ARL1: variants seen among roughly 807,000 people sequenced by gnomAD.
ARL1 encodes the protein ARF like GTPase 1.
A neutral mutation model predicts 30.1 loss-of-function variants in ARL1; 17 were observed. The observed-to-expected ratio is 0.56, with a 90% confidence interval of 0.39 to 0.85. The LOEUF is 0.85. ARL1 is among the 40% of genes least tolerant of loss of function. The pLI is 0.00. For missense variants in ARL1, 102 were observed against 212.6 expected, an observed-to-expected ratio of 0.48 and a Z score of 3.24; for synonymous variants, 58 against 71.7, an observed-to-expected ratio of 0.81 and a Z score of 0.97.
At position 101,407,751 on chromosome 12, in the gene ARL1, T is replaced by C; in HGVS notation, c.-106A>G. The C allele has an allele frequency of 1.3e-6, 2 of 1,536,566 alleles. No individual in the cohort carries two copies. The highest frequency in any genetic ancestry group is 2.2e-5 in the South Asian group (2 of 89,540). ...GCCCAGTCAGCCAGCAACTTCCACG[T>C]CGGACTCCAGGCGGGGGCGGGAGCG... On this transcript the variant is annotated 5_prime_UTR_variant, in exon 1 of 6. Transcript: ENST00000261636.
At chr12:101,396,238 C>G in intron 5 of ARL1, 161 bp downstream of exon 5, 1 of 856,560 alleles carries the variant, frequency 1.2e-6, no homozygotes, top group Non-Finnish European at 1.9e-6. Flanking sequence ...AAGACAGATG[C>G]ACCTGAAGAC....
Position 101,394,670 on chromosome 12 carries a change from T to C in ARL1, c.*970A>G, listed in dbSNP as rs1358694372. On this transcript the variant is annotated 3_prime_UTR_variant, in exon 6 of 6. Coordinates refer to ENST00000261636, the MANE Select transcript of ARL1 (RefSeq NM_001177.6). ...GTGAAATTTTCTCTTTAATGTGTTATGAATTCTATCAAATATAACCATTTA... is the reference window on the plus strand; with the variant it reads ...GTGAAATTTTCTCTTTAATGTGTTACGAATTCTATCAAATATAACCATTTA... 1 of 152,234 alleles carries C rather than the reference T, an allele frequency of 6.6e-6. No individual in the cohort carries two copies. The highest frequency in any genetic ancestry group is 2.4e-5 in the African/African-American group (1 of 41,478). The allele number at this position is 152,234 out of a possible 1,614,324, so 9.4% of individuals were successfully genotyped here.
chr12:101,401,008 T>C, intron 4 of ARL1, 54 bp downstream of exon 4: 1 of 1,147,010 alleles, frequency 8.7e-7, no homozygotes, highest in Non-Finnish European at 1.3e-6. Flanking sequence ...TATTCTTCAA[T>C]GTAATAATAT....
rs1249940836 is a variant in ARL1, at chr12:101,407,768, G to A, written c.-123C>T. 4.3e-5 allele frequency: 62 copies of A among 1,448,294 alleles called. No homozygotes were observed. The highest frequency in any genetic ancestry group is 2.7e-4 in the South Asian group (24 of 87,426). The allele number at this position is 1,448,294 out of a possible 1,614,324, so 89.7% of individuals were successfully genotyped here. ...CTTCCACGTCGGACTCCAGGCGGGG[G>A]CGGGAGCGAGGGTCAGCTGCGACTG... On this transcript the variant is annotated 5_prime_UTR_variant, in exon 1 of 6. Transcript: ENST00000261636.
chr12:101,407,805 C>A, upstream of ARL1: 1 of 1,029,384 alleles, frequency 9.7e-7, no homozygotes, highest in Non-Finnish European at 1.5e-6. Flanking sequence ...GCGCCGGGAA[C>A]GGTGGCCTGA....
At chr12:101,403,308 AAAAG>A in intron 2 of ARL1, 1 of 406,262 alleles carries the variant, frequency 2.5e-6, no homozygotes, top group Non-Finnish European at 4.7e-6. Context: ...AAGAATTTAA[AAAAG>A]AAATAAAAAG....
rs900824755 is a variant in ARL1 at position 101,394,768 on chromosome 12, GTAAC to G, written c.*868_*871del. 12 of 152,096 alleles carry G rather than the reference GTAAC, an allele frequency of 7.9e-5. No homozygotes were observed. The highest frequency in any genetic ancestry group is 2.4e-4 in the African/African-American group (10 of 41,410). The allele number at this position is 152,096 out of a possible 1,614,324, so 9.4% of individuals were successfully genotyped here. On this transcript the variant is annotated 3_prime_UTR_variant, in exon 6 of 6. Transcript: ENST00000261636. ...TAAATTTATAAACATTATTTTGAAT[GTAAC>G]TAATTAGCATAATTTTATTTAAGAG...
intron 2 of ARL1, 30 bp from the exon 3 acceptor site, chr12:101,402,976 G>A: frequency 6.7e-7 from 1 of 1,486,016 alleles, no homozygotes; most frequent in Non-Finnish European, 9.4e-7. Context: ...AGTGGTATGT[G>A]TAGACTAATA....
Position 101,407,753 on chromosome 12 carries a change from G to A in ARL1, c.-108C>T, listed in dbSNP as rs1367129955. The A allele has an allele frequency of 9.2e-6, 14 of 1,525,874 alleles. No individual in the cohort carries two copies. Among genetic ancestry groups the A allele is most frequent in the Non-Finnish European group, 1.3e-5 (14 of 1,108,872 alleles). The allele number at this position is 1,525,874 out of a possible 1,614,324, so 94.5% of individuals were successfully genotyped here. On this transcript the variant is annotated 5_prime_UTR_variant, in exon 1 of 6. Coordinates refer to ENST00000261636, the MANE Select transcript of ARL1 (RefSeq NM_001177.6). Reference sequence around the variant, plus strand: ...CCAGTCAGCCAGCAACTTCCACGTCGGACTCCAGGCGGGGGCGGGAGCGAG... The same window carrying A: ...CCAGTCAGCCAGCAACTTCCACGTCAGACTCCAGGCGGGGGCGGGAGCGAG...
At chr12:101,400,854 C>T (rs913614642) in intron 4 of ARL1, among the ~76,000 whole-genome samples, 7 of 152,174 alleles carry the variant, frequency 4.6e-5, no homozygotes, top group African/African-American at 1.7e-4. Context: ...AGCAATCTGG[C>T]TTGAAGAGGA....
At chr12:101,405,711 T>C (rs546602888) in intron 2 of ARL1, 133 bp downstream of exon 2, 2 of 994,296 alleles carry the variant, frequency 2.0e-6, no homozygotes, top group East Asian at 3.0e-5. Flanking sequence ...AGGCCAAGAG[T>C]CTAAGACCAG....
At chr12:101,396,782 T>C (rs1249411742) in intron 4 of ARL1, among the ~76,000 whole-genome samples, 3 of 152,192 alleles carry the variant, frequency 2.0e-5, no homozygotes, top group African/African-American at 7.2e-5. Context: ...GTTAACATTT[T>C]AGGTGTTTTC....
In ARL1 at chr12:101,393,132, C is replaced by T. The variant is rs540929863; in HGVS notation, c.*2508G>A. ...ACAAATATATCTGGCATATTGAAGACGTCTTTGTTTTTAATCAATACATAT... is the reference window on the plus strand; with the variant it reads ...ACAAATATATCTGGCATATTGAAGATGTCTTTGTTTTTAATCAATACATAT... On this transcript the variant is annotated 3_prime_UTR_variant, in exon 6 of 6. Transcript: ENST00000261636. The T allele has an allele frequency of 2.3e-4, 35 of 152,138 alleles. No homozygotes were observed. Among genetic ancestry groups the T allele is most frequent in the South Asian group, 6.2e-4 (3 of 4,812 alleles). 9.4% of individuals were successfully genotyped at this position (152,138 alleles called of 1,614,324 possible). A position where few individuals can be genotyped will look rare whatever the true frequency, so the allele number is the denominator to read the frequency against.
intron 4 of ARL1, among the ~76,000 whole-genome samples, chr12:101,400,596 C>T (rs1441507466): frequency 6.6e-6 from 1 of 151,970 alleles, no homozygotes; most frequent in Non-Finnish European, 1.5e-5. Context: ...GGCCCTGAGC[C>T]AGGTGTGCAA....
In ARL1 at chr12:101,395,088, T is replaced by C. The variant is rs942975348; in HGVS notation, c.*552A>G. 2.0e-5 allele frequency: 3 copies of C among 152,612 alleles called. No homozygotes were observed. Among genetic ancestry groups the C allele is most frequent in the Non-Finnish European group, 4.4e-5 (3 of 68,052 alleles). The allele number at this position is 152,612 out of a possible 1,614,324, so 9.5% of individuals were successfully genotyped here. On this transcript the variant is annotated 3_prime_UTR_variant, in exon 6 of 6. Transcript: ENST00000261636. ...AAAATGACACTTACAGATAAGTCAG[T>C]GAAGTTAACCATCAAAACAATATTC...
chr12:101,402,052 T>C (rs559604939), intron 3 of ARL1, among the ~76,000 whole-genome samples: 6 of 152,172 alleles, frequency 3.9e-5, no homozygotes, highest in African/African-American at 1.4e-4. Context: ...GTTTGGAGAA[T>C]GCATTACTAA....
chr12:101,402,834 A>G, intron 3 of ARL1, 31 bp downstream of exon 3: 1 of 1,488,844 alleles, frequency 6.7e-7, no homozygotes, highest in Non-Finnish European at 9.3e-7. Context: ...AATGTCAAAT[A>G]CTACCAAATA....
At chr12:101,397,509 C>CTTTT (rs1398125844) in intron 4 of ARL1, among the ~76,000 whole-genome samples, 2 of 142,954 alleles carry the variant, frequency 1.4e-5, no homozygotes, top group African/African-American at 2.6e-5. Context: ...TTTTTTTTTT[C>CTTTT]TTTTTTTAAG....
chr12:101,403,242 A>T (rs955928318), intron 2 of ARL1: 17 of 462,152 alleles, frequency 3.7e-5, no homozygotes, highest in Non-Finnish European at 5.9e-5. Flanking sequence ...GATATTTTTT[A>T]AAAGCCAGCA....
Sources: allele counts gnomAD v4.1 joint callset (sites outside exome capture counted in the v4.1 genomes callset), GRCh38; gene constraint gnomAD v4.1.1; transcripts MANE v1.5; gene names NCBI Gene and HGNC (gene_info 2026-07-23, HGNC 2026-07-21).